Variants in ZP3 observed in about 807,000 individuals in gnomAD.
ZP3 encodes zona pellucida glycoprotein 3, also known as zona pellucida sperm-binding protein 3.
A neutral mutation model predicts 35.6 loss-of-function variants in ZP3; 21 were observed. That is an observed-to-expected ratio of 0.59 (90% confidence interval 0.42 to 0.85). The LOEUF (loss-of-function observed/expected upper bound fraction) is 0.85, where lower values mean the gene tolerates loss of function less well. ZP3 is among the 40% of genes least tolerant of loss of function. ZP3 has a pLI of 0.00. For missense variants in ZP3, 437 were observed against 536.5 expected, an observed-to-expected ratio of 0.81 and a Z score of 1.83; for synonymous variants, 207 against 214.5, an observed-to-expected ratio of 0.96 and a Z score of 0.31.
At chr7:76,422,929 G>A (rs187414197), upstream of ZP3, among the ~76,000 whole-genome samples, 404 of 150,470 alleles carry the variant, frequency 2.7e-3, 3 homozygotes, top group African/African-American at 9.1e-3. Flanking sequence ...CCCAGGAGGC[G>A]GAGGTTGCAG....
At chr7:76,398,479 A>AT (rs1437191543) in intron 1 of ZP3, among the ~76,000 whole-genome samples, 1 of 151,774 alleles carries the variant, frequency 6.6e-6, no homozygotes, top group African/African-American at 2.4e-5. Context: ...TAATTTTTGT[A>AT]TTTTTTGTAG....
chr7:76,397,902 G>T lies in ZP3; in HGVS notation c.-67+105G>T. The T allele has an allele frequency of 4.9e-6, 7 of 1,416,802 alleles. No individual in the cohort carries two copies. The Admixed American group carries it at 1.6e-4, about 33-fold the overall frequency. 87.8% of individuals were successfully genotyped at this position (1,416,802 alleles called of 1,614,324 possible). ...TGCCCCCGTCCGCACCGCAAGGGCA[G>T]CCCGGTGTCCCAGGATCTACAACCC... On this transcript the variant is annotated intron_variant, in intron 1 of 8. Coordinates refer to the ZP3 transcript ENST00000336517.
chr7:76,437,120 G>T (rs908627202), intron 5 of ZP3, among the ~76,000 whole-genome samples: 2 of 151,590 alleles, frequency 1.3e-5, no homozygotes, highest in African/African-American at 4.8e-5. Flanking sequence ...GTTTAAGGCT[G>T]CAGTGAGCTA....
intron 1 of ZP3, 91 bp from the exon 2 acceptor site, chr7:76,429,424 T>G: frequency 8.2e-7 from 1 of 1,225,648 alleles, no homozygotes; most frequent in South Asian, 1.2e-5. Flanking sequence ...TCTGTCCCCT[T>G]GTGGGCTGCC....
chr7:76,401,121 T>C, intron 1 of ZP3: 1 of 1,462,180 alleles, frequency 6.8e-7, no homozygotes, highest in Non-Finnish European at 9.1e-7. Context: ...ACCCCCCAAC[T>C]CCCACAGTCC....
At chr7:76,401,070 GC>G in intron 1 of ZP3, 2 of 1,527,528 alleles carry the variant, frequency 1.3e-6, no homozygotes, top group Non-Finnish European at 1.8e-6. Flanking sequence ...AAGAGCATTG[GC>G]CCCTCTGCCC....
At chr7:76,423,136 A>C (rs1300307418), upstream of ZP3, among the ~76,000 whole-genome samples, 2 of 151,280 alleles carry the variant, frequency 1.3e-5, no homozygotes, top group Non-Finnish European at 2.9e-5. Context: ...GCTTCATTGG[A>C]GCTTATGCCC....
chr7:76,408,768 G>T (rs1584038112), intron 1 of ZP3, among the ~76,000 whole-genome samples: 2 of 152,158 alleles, frequency 1.3e-5, no homozygotes, highest in African/African-American at 2.4e-5. Context: ...GCAAGACAAG[G>T]CTTCATCCCT....
At chr7:76,400,256 T>G in intron 1 of ZP3, 1 of 1,436,742 alleles carries the variant, frequency 7.0e-7, no homozygotes, top group African/African-American at 1.5e-5. Flanking sequence ...ACAGTCTGTC[T>G]GTCCCTCCAG....
intron 1 of ZP3, among the ~76,000 whole-genome samples, chr7:76,417,735 C>T (rs1283842265): frequency 6.6e-6 from 1 of 151,684 alleles, no homozygotes; most frequent in African/African-American, 2.4e-5. Context: ...CCTCAGCCTC[C>T]CTAGTAGCTG....
At chr7:76,437,673 T>C (rs1806064559) in intron 5 of ZP3, among the ~76,000 whole-genome samples, 2 of 147,646 alleles carry the variant, frequency 1.4e-5, no homozygotes, top group African/African-American at 2.5e-5. Context: ...TTTTTTTTTT[T>C]TTTTTAGTAG....
At chr7:76,419,479 T>C (rs1805453910) in intron 1 of ZP3, among the ~76,000 whole-genome samples, 1 of 152,172 alleles carries the variant, frequency 6.6e-6, no homozygotes, top group Non-Finnish European at 1.5e-5. Flanking sequence ...CGTGGCTGTT[T>C]CTAGGCTCTC....
chr7:76,401,726 T>C (rs1804835964), intron 1 of ZP3, among the ~76,000 whole-genome samples: 1 of 152,170 alleles, frequency 6.6e-6, no homozygotes, highest in Admixed American at 6.5e-5. Context: ...CAAGAGCTTT[T>C]TTCAATTCCC....
chr7:76,437,497 TG>T (rs1563704312), intron 5 of ZP3, among the ~76,000 whole-genome samples: 135 of 148,790 alleles, frequency 9.1e-4, no homozygotes, highest in African/African-American at 3.2e-3. Context: ...TGTTTTTTTT[TG>T]GGGGGAAATG....
chr7:76,420,951 A>G (rs551108862), upstream of ZP3, among the ~76,000 whole-genome samples: 78 of 108,258 alleles, frequency 7.2e-4, no homozygotes, highest in African/African-American at 3.0e-3. Flanking sequence ...TTTTTTTTTT[A>G]GTGAGACTAA....
intron 5 of ZP3, among the ~76,000 whole-genome samples, chr7:76,436,716 T>C (rs1473329875): frequency 2.9e-4 from 44 of 152,118 alleles, no homozygotes; most frequent in African/African-American, 9.9e-4. Context: ...GTCCTGGCCC[T>C]CGGATCAGTG....
intron 2 of ZP3, among the ~76,000 whole-genome samples, chr7:76,432,688 G>A (rs939811030): frequency 6.6e-6 from 1 of 152,168 alleles, no homozygotes. Context: ...GTCTTCAGCG[G>A]CCCAGATAGC....
chr7:76,421,489 A>G (rs1805503795), upstream of ZP3, among the ~76,000 whole-genome samples: 1 of 151,732 alleles, frequency 6.6e-6, no homozygotes, highest in African/African-American at 2.4e-5. Flanking sequence ...CCTGGGCTCA[A>G]GCAATCCTCC....
intron 3 of ZP3, among the ~76,000 whole-genome samples, 176 bp downstream of exon 3, chr7:76,433,206 TGCAGTG>T (rs144847529): frequency 0.041 from 5,695 of 139,188 alleles, 302 homozygotes; most frequent in African/African-American, 0.13. Context: ...CAGGCTGGAG[TGCAGTG>T]GCACGATCTC....
Sources: allele counts gnomAD v4.1 joint callset (sites outside exome capture counted in the v4.1 genomes callset), GRCh38; gene constraint gnomAD v4.1.1; transcripts MANE v1.5; gene names NCBI Gene and HGNC (gene_info 2026-07-23, HGNC 2026-07-21).